Variants in KIF9 observed in about 807,000 individuals in gnomAD.
KIF9 encodes kinesin family member 9.
A neutral mutation model predicts 94.8 loss-of-function variants in KIF9; 68 were observed. The ratio of observed to expected loss-of-function variants is 0.72; its 90% CI spans 0.59 to 0.88. KIF9 has a LOEUF of 0.88. Ranked by LOEUF, KIF9 falls within the 40% of genes least tolerant of loss-of-function variation. KIF9 has a pLI of 0.00. For missense variants in KIF9, 882 were observed against 982.5 expected (o/e 0.90, Z 1.37); for synonymous variants, 343 against 362.1 (o/e 0.95, Z 0.60).
rs1221178919 is a variant in KIF9 at position 47,264,360 on chromosome 3, G to C, written c.917-10C>G. On this transcript the variant is annotated splice_polypyrimidine_tract_variant and intron_variant, in intron 8 of 20. Coordinates refer to ENST00000684063, the MANE Select transcript of KIF9 (RefSeq NM_182902.4). ...ATATTGCAGTTTCCCCCTGCGGAAA[G>C]CAAGACACAGAAGGGCTATGAACCA... is the stretch of plus-strand genomic sequence containing the variant. The C allele has an allele frequency of 1.2e-6, 2 of 1,611,586 alleles. No homozygotes were observed. The highest frequency in any genetic ancestry group is 1.7e-5 in the Admixed American group (1 of 60,008).
chr3:47,241,023 T>A lies in KIF9; in HGVS notation c.1710-8A>T, dbSNP rs1322802374. On this transcript the variant is annotated splice_region_variant and splice_polypyrimidine_tract_variant and intron_variant, in intron 16 of 20. Transcript: ENST00000684063. Reference sequence around the variant, plus strand: ...GAGGGTGGGGTGTCGGGCCTTGAGATGAAAAGGTGAGACCAAAGAGGATAA... The same window carrying A: ...GAGGGTGGGGTGTCGGGCCTTGAGAAGAAAAGGTGAGACCAAAGAGGATAA... The A allele has an allele frequency of 6.2e-7, 1 of 1,613,384 alleles. No individual in the cohort carries two copies. Among genetic ancestry groups the A allele is most frequent in the Non-Finnish European group, 8.5e-7 (1 of 1,179,420 alleles).
At chr3:47,282,340 G>A (rs1308607396) in intron 1 of KIF9, 155 bp downstream of exon 1, 1 of 986,066 alleles carries the variant, frequency 1.0e-6, no homozygotes, top group African/African-American at 1.7e-5. Flanking sequence ...GGACTCCCGC[G>A]ACGTCGAGCC....
At position 47,243,123 on chromosome 3, in the gene KIF9, G is replaced by A. The variant is rs370497011; in HGVS notation, c.1637C>T (p.Ser546Leu). The change falls in exon 16 of 21, where the codon TCG (serine) becomes TTG (leucine). Residue 546 changes from serine to leucine, a missense_variant. Transcript: ENST00000684063. ...AATGCTGGAAGTTTCCCGGTCCCGC[G>A]AAAGCATGTCTTTGACATCCCCATC... ...SKDGDVKDML[S>L]RDRETSSIEP... 5.2e-5 allele frequency: 84 copies of A among 1,613,928 alleles called. No individual in the cohort carries two copies. Among genetic ancestry groups the A allele is most frequent in the South Asian group, 5.2e-4 (47 of 91,062 alleles).
chr3:47,278,268 G>A lies in KIF9; in HGVS notation c.-5-889C>T, dbSNP rs186316946. ...CTTACATTTTTTTTGCAGAGATGGC[G>A]TCTTACTATGTTGCCTAGGCTGGTC... On this transcript the variant is annotated intron_variant, in intron 1 of 20. Transcript: ENST00000684063. 1.4e-4 allele frequency among the ~76,000 whole-genome samples: 22 copies of A among 152,054 alleles called. No individual in the cohort carries two copies. The South Asian group carries it at 3.1e-3, about 22-fold the overall frequency.
chr3:47,236,028 G>C lies in KIF9; in HGVS notation c.2217+6C>G, dbSNP rs2291722. 3 of 1,604,202 alleles carry C rather than the reference G, an allele frequency of 1.9e-6. No homozygotes were observed. Among genetic ancestry groups the C allele is most frequent in the Non-Finnish European group, 2.6e-6 (3 of 1,171,308 alleles). On this transcript the variant is annotated splice_donor_region_variant and intron_variant, in intron 19 of 20. Transcript: ENST00000684063. ...ACTGCCACACCCCTGCCCCTGTGCC[G>C]CTCACCAGAGACACAATCCTGTTCA... is the stretch of plus-strand genomic sequence containing the variant.
intron 12 of KIF9, 64 bp downstream of exon 12, chr3:47,247,309 G>T: frequency 9.4e-7 from 1 of 1,061,016 alleles, no homozygotes; most frequent in South Asian, 1.3e-5. Flanking sequence ...GCATGCGTTG[G>T]GGTGTGCCCA....
In KIF9 at chr3:47,228,396, G is replaced by C; in HGVS notation, c.*256C>G. ...AAGACAAAGTTCTCAGATGAGCACT[G>C]AAAGTCCAAACTAGAAAGTTATTTT... On this transcript the variant is annotated 3_prime_UTR_variant, in exon 21 of 21. Transcript: ENST00000684063. The C allele has an allele frequency of 4.2e-6, 2 of 473,426 alleles. No individual in the cohort carries two copies. The highest frequency in any genetic ancestry group is 3.8e-6 in the Non-Finnish European group (1 of 261,610). 29.3% of individuals were successfully genotyped at this position (473,426 alleles called of 1,614,324 possible). A position where few individuals can be genotyped will look rare whatever the true frequency, so the allele number is the denominator to read the frequency against.
chr3:47,257,589 T>C, intron 9 of KIF9, 29 bp from the exon 10 acceptor site: 2 of 1,598,828 alleles, frequency 1.3e-6, no homozygotes, highest in Middle Eastern at 1.7e-4. Context: ...AGACATTAGA[T>C]GGCTCGCCAC....
At chr3:47,229,993 C>T (rs1340337236) in intron 20 of KIF9, among the ~76,000 whole-genome samples, 1 of 152,122 alleles carries the variant, frequency 6.6e-6, no homozygotes, top group Non-Finnish European at 1.5e-5. Flanking sequence ...CTCAGTCTCC[C>T]AAAGTGCTGG....
chr3:47,234,560 T>A (rs1376675847), intron 20 of KIF9, among the ~76,000 whole-genome samples: 2 of 148,378 alleles, frequency 1.3e-5, no homozygotes, highest in African/African-American at 5.0e-5. Context: ...GCATTTTTTT[T>A]TTCTTTTTTT....
chr3:47,269,970 A>G (rs1413882569), intron 5 of KIF9, among the ~76,000 whole-genome samples: 6 of 151,780 alleles, frequency 4.0e-5, no homozygotes, highest in Non-Finnish European at 7.4e-5. Flanking sequence ...GGGTTTCACC[A>G]TGTTGGCCAG....
rs1311593898 is a variant in KIF9 at position 47,265,844 on chromosome 3, T to C, written c.802A>G (p.Ile268Val). 4.3e-6 allele frequency: 7 copies of C among 1,614,068 alleles called. No individual in the cohort carries two copies. The highest frequency in any genetic ancestry group is 1.1e-5 in the South Asian group (1 of 91,094). ...TCCAGGAATGAGAGCGATTTGTTGA[T>C]GTAGGTGGCTTCCTTCAGGACTTGG... ...EGQVLKEATY[I>V]NKSLSFLEQA... is the part of the protein sequence containing the mutation. The change falls in exon 8 of 21, where the codon ATC (isoleucine) becomes GTC (valine). Residue 268 changes from isoleucine to valine, a missense_variant. Ile to Val is a conservative substitution (Grantham distance 29). Transcript: ENST00000684063.
rs181954663 is a variant in KIF9 at position 47,264,354 on chromosome 3, C to T, written c.917-4G>A. 6.3e-4 allele frequency: 1,023 copies of T among 1,612,628 alleles called. 4 individuals are homozygous for T. The highest frequency in any genetic ancestry group is 5.1e-3 in the Middle Eastern group (31 of 6,054). On this transcript the variant is annotated splice_polypyrimidine_tract_variant and splice_region_variant and intron_variant, in intron 8 of 20. Transcript: ENST00000684063. ...AGGACCATATTGCAGTTTCCCCCTG[C>T]GGAAAGCAAGACACAGAAGGGCTAT...
intron 4 of KIF9, among the ~76,000 whole-genome samples, chr3:47,272,849 A>G (rs903606229): frequency 6.6e-6 from 1 of 152,202 alleles, no homozygotes; most frequent in Non-Finnish European, 1.5e-5. Flanking sequence ...CTCCAAAAAC[A>G]GGAGCATGGA....
chr3:47,243,243 G>A lies in KIF9; in HGVS notation c.1517C>T (p.Ser506Phe). 1 of 1,607,350 alleles carries A rather than the reference G, an allele frequency of 6.2e-7. No individual in the cohort carries two copies. The highest frequency in any genetic ancestry group is 8.5e-7 in the Non-Finnish European group (1 of 1,175,350). Residue 506 changes from serine (S) to phenylalanine (F), a missense_variant and splice_region_variant, in exon 16 of 21, where the codon TCC becomes TTC. Physicochemically the swap from Ser to Phe is radical, Grantham distance 155. Coordinates refer to ENST00000684063, the MANE Select transcript of KIF9 (RefSeq NM_182902.4). ...SKKTFKEPLS[S>F]LARKEGASSP... ...GCTGGCACCTTCCTTTCTTGCCAAG[G>A]AGCTGGAAGAAGGCACGGAAGCCCC...
intron 12 of KIF9, 59 bp from the exon 13 acceptor site, chr3:47,246,311 C>T (rs148383764): frequency 1.4e-6 from 2 of 1,440,502 alleles, no homozygotes; most frequent in East Asian, 4.6e-5. Context: ...GACCAGGGGG[C>T]ATCTATGTTA....
At chr3:47,263,564 T>G in intron 9 of KIF9, 1 of 241,610 alleles carries the variant, frequency 4.1e-6, no homozygotes, top group Non-Finnish European at 8.3e-6. Context: ...CTGGTGTGGG[T>G]CACATCTTCA....
chr3:47,241,624 G>A (rs998395818), intron 16 of KIF9, among the ~76,000 whole-genome samples: 63 of 148,548 alleles, frequency 4.2e-4, no homozygotes, highest in Admixed American at 6.1e-4. Flanking sequence ...GCCTGGCCCT[G>A]GATTTCATAT....
At chr3:47,261,705 C>T (rs954736372) in intron 9 of KIF9, among the ~76,000 whole-genome samples, 1 of 152,206 alleles carries the variant, frequency 6.6e-6, no homozygotes, top group Non-Finnish European at 1.5e-5. Flanking sequence ...CTCACATCTT[C>T]TCTGTAAGGT....
Sources: allele counts gnomAD v4.1 joint callset (sites outside exome capture counted in the v4.1 genomes callset), GRCh38; gene constraint gnomAD v4.1.1; transcripts MANE v1.5; gene names NCBI Gene and HGNC (gene_info 2026-07-23, HGNC 2026-07-21).